The following PCDHGB1 variants were observed in gnomAD, a reference collection of about 807,000 sequenced individuals.
PCDHGB1 encodes protocadherin gamma subfamily B, 1, also known as protocadherin gamma-B1.
In PCDHGB1, 34 loss-of-function variants were observed where a neutral mutation model predicts 56.6. That is an observed-to-expected ratio of 0.60 (90% confidence interval 0.46 to 0.80). The LOEUF is 0.80. Among genes scored for constraint, PCDHGB1 ranks in the 30% least tolerant of loss-of-function variants. The pLI is 0.00. For missense variants in PCDHGB1, 1,278 were observed against 1,204.6 expected (o/e 1.06, Z -0.90); for synonymous variants, 561 against 505.9 (o/e 1.11, Z -1.46).
At chr5:141,359,215 T>C (rs758756538) in intron 1 of PCDHGB1, among the ~76,000 whole-genome samples, 3 of 152,162 alleles carry the variant, frequency 2.0e-5, no homozygotes, top group Non-Finnish European at 4.4e-5. Flanking sequence ...AGAGACAACT[T>C]ACATCTGAGG....
At chr5:141,458,787 C>A (rs968490647) in intron 1 of PCDHGB1, among the ~76,000 whole-genome samples, 1 of 152,004 alleles carries the variant, frequency 6.6e-6, no homozygotes, top group African/African-American at 2.4e-5. Flanking sequence ...GGCTGGAGTG[C>A]AGTGGTGTGA....
chr5:141,362,170 C>A, intron 1 of PCDHGB1: 1 of 1,614,036 alleles, frequency 6.2e-7, no homozygotes, highest in Non-Finnish European at 8.5e-7. Flanking sequence ...CAGCGACCGC[C>A]GGGAGCCCTC....
rs750182814 is a variant in PCDHGB1, at chr5:141,375,970, G to T, written c.2409+23301G>T. 15 of 1,613,334 alleles carry T rather than the reference G, an allele frequency of 9.3e-6. No homozygotes were observed. The South Asian group carries it at 1.6e-4, about 18-fold the overall frequency. Reference sequence around the variant, plus strand: ...TGCACACGGGCGAGGTGCGCACGGCGCGCGCCCTGCTGGACAGAGACGCGC... The same window carrying T: ...TGCACACGGGCGAGGTGCGCACGGCTCGCGCCCTGCTGGACAGAGACGCGC... On this transcript the variant is annotated intron_variant, in intron 1 of 3. Transcript: ENST00000523390.
intron 1 of PCDHGB1, chr5:141,410,614 G>A: frequency 6.2e-7 from 1 of 1,604,858 alleles, no homozygotes; most frequent in South Asian, 1.1e-5. Flanking sequence ...CTGAGACTCT[G>A]ACTTCGGTGA....
chr5:141,511,140 C>T lies in PCDHGB1; in HGVS notation c.2751C>T (p.Asn917=). Reference sequence around the variant, plus strand: ...AGGCCCCAGCAGGTGGCAATGGCAACAAGAAGAAGTCGGGCAAGAAGGAGA... The same window carrying T: ...AGGCCCCAGCAGGTGGCAATGGCAATAAGAAGAAGTCGGGCAAGAAGGAGA... ...DGKAPAGGNG[N]KKKSGKKEKK is the part of the protein sequence containing the mutation. Residue 917 remains asparagine (N), a synonymous_variant, in exon 4 of 4, where the codon AAC becomes AAT. Transcript: ENST00000523390. The T allele has an allele frequency of 1.2e-6, 2 of 1,614,186 alleles. No homozygotes were observed. The highest frequency in any genetic ancestry group is 1.3e-5 in the African/African-American group (1 of 75,050).
chr5:141,431,053 G>A lies in PCDHGB1; in HGVS notation c.2410-63754G>A, dbSNP rs1208370015. On this transcript the variant is annotated intron_variant, in intron 1 of 3. Coordinates refer to ENST00000523390, the MANE Select transcript of PCDHGB1 (RefSeq NM_018922.3). This position sits in a 1 kb window ranked among gnomAD's most constrained non-coding sequence, Gnocchi z 4.8. ...TAGACCGGGAGGAGCTCTGTATGGG[G>A]GCCATCAAGTGTCAATTAAATCTAG... 1 of 1,614,174 alleles carries A rather than the reference G, an allele frequency of 6.2e-7. No homozygotes were observed. Among genetic ancestry groups the A allele is most frequent in the Admixed American group, 1.7e-5 (1 of 60,030 alleles).
intron 1 of PCDHGB1, chr5:141,365,663 G>A (rs117201633): frequency 1.9e-6 from 3 of 1,613,390 alleles, no homozygotes; most frequent in African/African-American, 1.3e-5. Context: ...AGTAGCAGAC[G>A]TTAATGACAA....
chr5:141,495,900 G>A (rs1403705200), intron 2 of PCDHGB1, among the ~76,000 whole-genome samples: 2 of 151,894 alleles, frequency 1.3e-5, no homozygotes, highest in East Asian at 1.9e-4. Context: ...CTTTGTCTCT[G>A]TCTCTGTATA....
chr5:141,498,254 G>A (rs550611179), intron 2 of PCDHGB1, among the ~76,000 whole-genome samples: 2 of 152,338 alleles, frequency 1.3e-5, no homozygotes, highest in East Asian at 3.9e-4. Context: ...AGCAGGGCTG[G>A]TGTTGAGTTC....
intron 1 of PCDHGB1, among the ~76,000 whole-genome samples, chr5:141,480,098 T>C (rs1415853757): frequency 6.6e-6 from 1 of 152,168 alleles, no homozygotes. Context: ...GTATGCAAAG[T>C]GTTTAGCATG....
At chr5:141,428,400 G>C (rs373595231) in intron 1 of PCDHGB1, 4 of 483,290 alleles carry the variant, frequency 8.3e-6, no homozygotes, top group African/African-American at 2.0e-5. Flanking sequence ...CCTCTGCCTG[G>C]GGTTGCTTTC....
At chr5:141,361,398 C>T (rs770221775) in intron 1 of PCDHGB1, 5 of 1,613,888 alleles carry the variant, frequency 3.1e-6, no homozygotes, top group Non-Finnish European at 4.2e-6. Flanking sequence ...ACAATCTCAC[C>T]ATCACAGCCA....
At chr5:141,385,281 C>T (rs761366864) in intron 1 of PCDHGB1, 6 of 1,613,348 alleles carry the variant, frequency 3.7e-6, no homozygotes, top group East Asian at 2.2e-5. Flanking sequence ...TGCTAACATC[C>T]GTAGATTTTC....
At chr5:141,355,853 G>T in intron 1 of PCDHGB1, 1 of 1,612,554 alleles carries the variant, frequency 6.2e-7, no homozygotes, top group Non-Finnish European at 8.5e-7. Flanking sequence ...TTCGATGGAG[G>T]TGACCCGGTT....
chr5:141,420,405 T>C (rs1188012975), intron 1 of PCDHGB1: 7 of 1,241,232 alleles, frequency 5.6e-6, no homozygotes, highest in East Asian at 5.7e-5. Flanking sequence ...AAATTTATGG[T>C]TATCATTATT....
chr5:141,423,883 A>G, intron 1 of PCDHGB1: 2 of 1,283,462 alleles, frequency 1.6e-6, no homozygotes, highest in Non-Finnish European at 2.0e-6. Context: ...CAATCTTGGC[A>G]TATTTTCTTT....
chr5:141,376,545 A>T, intron 1 of PCDHGB1: 2 of 1,612,680 alleles, frequency 1.2e-6, no homozygotes, highest in Non-Finnish European at 8.5e-7. Flanking sequence ...GAGTAATCTG[A>T]TCTTCCCGCA....
At chr5:141,440,859 T>C (rs1272611201) in intron 1 of PCDHGB1, 1 of 152,076 alleles carries the variant, frequency 6.6e-6, no homozygotes, top group Non-Finnish European at 1.5e-5. Context: ...CCTGTGTTCA[T>C]CTAGGATGTG....
chr5:141,470,488 T>A (rs2099231812), intron 1 of PCDHGB1, among the ~76,000 whole-genome samples: 2 of 152,234 alleles, frequency 1.3e-5, no homozygotes, highest in South Asian at 4.1e-4. Flanking sequence ...CCTCTGGGAA[T>A]AATATTAGGT....
Sources: allele counts gnomAD v4.1 joint callset (sites outside exome capture counted in the v4.1 genomes callset), GRCh38; gene constraint gnomAD v4.1.1; non-coding constraint Gnocchi (gnomAD v3.1); transcripts MANE v1.5; gene names NCBI Gene and HGNC (gene_info 2026-07-23, HGNC 2026-07-21).